The following FOXP1 variants were observed in gnomAD, a reference collection of about 807,000 sequenced individuals.
FOXP1 encodes forkhead box P1, also known as forkhead box protein P1.
Under a neutral mutation model 98.2 loss-of-function variants are expected in FOXP1, and 15 were observed. The observed-to-expected ratio is 0.15, with a 90% CI of 0.10 to 0.24. The LOEUF (loss-of-function observed/expected upper bound fraction) is 0.24. Ranked by LOEUF, FOXP1 falls within the 10% of genes least tolerant of loss-of-function variation. FOXP1 has a pLI of 1.00. For missense variants in FOXP1, 633 were observed against 848.5 expected, an observed-to-expected ratio of 0.75 and a Z score of 3.15; for synonymous variants, 371 against 314.5, an observed-to-expected ratio of 1.18 and a Z score of -1.90.
chr3:71,148,760 T>C (rs1382280167), intron 6 of FOXP1, among the ~76,000 whole-genome samples: 2 of 152,228 alleles, frequency 1.3e-5, no homozygotes, highest in Admixed American at 1.3e-4. Context: ...GGTTATCTTT[T>C]ATTATTATGC....
chr3:71,577,599 T>A (rs2107852251), intron 2 of FOXP1, among the ~76,000 whole-genome samples: 1 of 152,272 alleles, frequency 6.6e-6, no homozygotes, highest in African/African-American at 2.4e-5. Flanking sequence ...GAGAAATATG[T>A]TGAAAAATCA....
At position 71,052,590 on chromosome 3, in the gene FOXP1, G is replaced by T; in HGVS notation, c.457C>A (p.Gln153Lys). Residue 153 changes from glutamine (Q) to lysine (K), a missense_variant, in exon 9 of 21, where the codon CAG becomes AAG. Gln to Lys is a moderately conservative substitution (Grantham distance 53, BLOSUM62 1). This residue lies in a region of FOXP1 where 210 missense variants were observed against 270.6 expected (regional missense o/e 0.78). Transcript: ENST00000649528. ...LQEFYKKQQEQLQLQLLQQQH... is the reference protein window; with the variant it reads ...LQEFYKKQQEKLQLQLLQQQH... ...TGTTGTAAAAGTTGAAGCTGCAACTGTTCCTGTTGTTTTTTATAAAACTCT... is the reference window on the plus strand; with the variant it reads ...TGTTGTAAAAGTTGAAGCTGCAACTTTTCCTGTTGTTTTTTATAAAACTCT... 7.0e-7 allele frequency: 1 copy of T among 1,428,038 alleles called. No homozygotes were observed. Among genetic ancestry groups the T allele is most frequent in the Non-Finnish European group, 9.9e-7 (1 of 1,009,888 alleles). The allele number at this position is 1,428,038 out of a possible 1,614,324, so 88.5% of individuals were successfully genotyped here.
chr3:71,285,102 A>C (rs1318012080), intron 5 of FOXP1, among the ~76,000 whole-genome samples: 1 of 152,220 alleles, frequency 6.6e-6, no homozygotes, highest in Non-Finnish European at 1.5e-5. Flanking sequence ...TTTATCCCAC[A>C]GAAGGGAAAT....
chr3:71,097,429 C>T (rs764869477), intron 7 of FOXP1, among the ~76,000 whole-genome samples: 1 of 152,140 alleles, frequency 6.6e-6, no homozygotes, highest in Non-Finnish European at 1.5e-5. Context: ...AAAATATTCA[C>T]TATCTGGCTC....
chr3:71,054,270 C>G (rs575630294), intron 7 of FOXP1, among the ~76,000 whole-genome samples: 1 of 152,316 alleles, frequency 6.6e-6, no homozygotes, highest in South Asian at 2.1e-4. Flanking sequence ...GACACACCTT[C>G]CGAACTTAAA....
chr3:71,172,383 C>T (rs997053426), intron 6 of FOXP1, among the ~76,000 whole-genome samples: 10 of 152,246 alleles, frequency 6.6e-5, no homozygotes, highest in Middle Eastern at 3.4e-3. Context: ...GGGAATCCAT[C>T]GGGTTTCAAA....
chr3:71,124,020 G>T lies in FOXP1; in HGVS notation c.181-11383C>A, dbSNP rs373484006. Among the ~76,000 whole-genome samples, 28 of 151,974 alleles carry T rather than the reference G, an allele frequency of 1.8e-4. No individual in the cohort carries two copies. In the East Asian group the frequency reaches 3.1e-3, roughly 17 times the overall value. On this transcript the variant is annotated intron_variant, in intron 6 of 20. Transcript: ENST00000649528. ...ACAAGGGTGAAAAAATTAACTATTG[G>T]GTACTATGCTCGGTACCTGGGTGTC...
rs112286905 is a variant in FOXP1, at chr3:71,407,136, G to A, written c.-167-47892C>T. 2.0e-3 allele frequency among the ~76,000 whole-genome samples: 297 copies of A among 152,130 alleles called. 2 individuals carry two copies. The highest frequency in any genetic ancestry group is 6.9e-3 in the African/African-American group (287 of 41,496). On this transcript the variant is annotated intron_variant, in intron 3 of 20. Coordinates refer to ENST00000649528, the MANE Select transcript of FOXP1 (RefSeq NM_001349338.3). ...CTGTTTCTTGCATTGGGAACGGCAC[G>A]CCACCCATTCTCCCCAGCACACAGA...
intron 2 of FOXP1, among the ~76,000 whole-genome samples, chr3:71,517,840 T>C (rs1184464861): frequency 1.3e-5 from 2 of 152,214 alleles, no homozygotes; most frequent in East Asian, 3.8e-4. Flanking sequence ...ACTAACTAGG[T>C]AATGTCTACA....
intron 2 of FOXP1, among the ~76,000 whole-genome samples, chr3:71,521,878 C>T (rs539335354): frequency 1.8e-4 from 27 of 152,220 alleles, no homozygotes; most frequent in Admixed American, 2.0e-4. Flanking sequence ...CATGGAAAGG[C>T]GCATTGGACT....
chr3:71,407,173 A>G (rs1236463348), intron 3 of FOXP1, among the ~76,000 whole-genome samples: 2 of 152,236 alleles, frequency 1.3e-5, no homozygotes, highest in Non-Finnish European at 2.9e-5. Flanking sequence ...GCCTGCATCT[A>G]ATTTTACAAG....
At chr3:71,269,706 A>C (rs989446293) in intron 5 of FOXP1, among the ~76,000 whole-genome samples, 1 of 152,200 alleles carries the variant, frequency 6.6e-6, no homozygotes, top group African/African-American at 2.4e-5. Flanking sequence ...CAGTTTTGAG[A>C]AACAAATGAC....
intron 11 of FOXP1, among the ~76,000 whole-genome samples, chr3:71,021,180 C>G (rs2045374377): frequency 6.6e-6 from 1 of 152,158 alleles, no homozygotes; most frequent in Non-Finnish European, 1.5e-5. Flanking sequence ...ATCCTGTACC[C>G]ATTAGCAGTC....
intron 2 of FOXP1, among the ~76,000 whole-genome samples, chr3:71,543,233 A>G (rs1490076747): frequency 6.6e-6 from 1 of 152,248 alleles, no homozygotes; most frequent in Non-Finnish European, 1.5e-5. Flanking sequence ...GGAAGGGAAT[A>G]AATTGCATCA....
intron 3 of FOXP1, among the ~76,000 whole-genome samples, chr3:71,430,162 GACCAT>G (rs1400651637): frequency 1.3e-5 from 2 of 152,094 alleles, no homozygotes; most frequent in Non-Finnish European, 2.9e-5. Context: ...GCTCCCTCCT[GACCAT>G]ACCCCAAAAT....
chr3:71,354,879 TAGAG>T (rs1326798447), intron 4 of FOXP1, among the ~76,000 whole-genome samples: 1 of 152,146 alleles, frequency 6.6e-6, no homozygotes, highest in Non-Finnish European at 1.5e-5. Context: ...AACTGAGTCT[TAGAG>T]AGAGAAAATA....
chr3:71,221,247 T>C (rs922899946), intron 5 of FOXP1, among the ~76,000 whole-genome samples: 1 of 152,142 alleles, frequency 6.6e-6, no homozygotes, highest in Non-Finnish European at 1.5e-5. Context: ...TCCTTAATCA[T>C]CCCCAACTCT....
rs890208229 is a variant in FOXP1, at chr3:71,135,119, C to T, written c.181-22482G>A. The stretch of plus-strand genomic sequence containing the variant: ...ACCAAAAATACAAAAATTAGCTGGG[C>T]GCGGTGATGCGTGCCTGTTGTCCCA... On this transcript the variant is annotated intron_variant, in intron 6 of 20. Coordinates refer to ENST00000649528, the MANE Select transcript of FOXP1 (RefSeq NM_001349338.3). Among the ~76,000 whole-genome samples the T allele has an allele frequency of 7.9e-5, 12 of 151,798 alleles. No individual in the cohort carries two copies. In the East Asian group the frequency reaches 9.7e-4, roughly 12 times the overall value.
chr3:70,978,076 G>A (rs566991770), intron 14 of FOXP1, 47 bp from the exon 15 acceptor site: 2 of 1,531,882 alleles, frequency 1.3e-6, no homozygotes, highest in Admixed American at 1.7e-5. Flanking sequence ...GAAAACCAGA[G>A]CAACCCAGGA....
Sources: allele counts gnomAD v4.1 joint callset (sites outside exome capture counted in the v4.1 genomes callset), GRCh38; gene constraint gnomAD v4.1.1; regional missense constraint gnomAD v4.1.1; transcripts MANE v1.5; gene names NCBI Gene and HGNC (gene_info 2026-07-23, HGNC 2026-07-21).